The following ITGA6 variants were observed in gnomAD, a reference collection of about 807,000 sequenced individuals.
ITGA6 encodes integrin alpha-6.
Under a neutral mutation model 133.6 loss-of-function variants are expected in ITGA6, and 63 were observed. The observed-to-expected ratio is 0.47, with a 90% CI of 0.38 to 0.58. The LOEUF (loss-of-function observed/expected upper bound fraction) is 0.58, where lower values mean the gene tolerates loss of function less well. Ranked by LOEUF, ITGA6 falls within the 20% of genes least tolerant of loss-of-function variation. ITGA6 has a pLI of 0.00. For missense variants in ITGA6, 1,068 were observed against 1,309.4 expected, an observed-to-expected ratio of 0.82 and a Z score of 2.85; for synonymous variants, 434 against 482.0, an observed-to-expected ratio of 0.90 and a Z score of 1.30.
intron 1 of ITGA6, among the ~76,000 whole-genome samples, chr2:172,435,438 A>G (rs939409967): frequency 2.0e-5 from 3 of 151,974 alleles, no homozygotes; most frequent in Non-Finnish European, 4.4e-5. Flanking sequence ...CTTTAGAACA[A>G]AGGTATCGAA....
intron 1 of ITGA6, among the ~76,000 whole-genome samples, chr2:172,435,613 T>C (rs542802248): frequency 1.4e-5 from 2 of 141,012 alleles, no homozygotes; most frequent in South Asian, 4.6e-4. Context: ...AAGAGTTTTG[T>C]TTCTTTTTTT....
chr2:172,485,942 C>T (rs1004245819), intron 13 of ITGA6, among the ~76,000 whole-genome samples: 2 of 152,074 alleles, frequency 1.3e-5, no homozygotes, highest in African/African-American at 2.4e-5. Flanking sequence ...TTCGGGAGGC[C>T]GAGGCGGGCA....
Position 172,487,385 on chromosome 2 carries a change from G to T in ITGA6, c.2092G>T (p.Ala698Ser). 6.2e-7 allele frequency: 1 copy of T among 1,614,144 alleles called. No homozygotes were observed. Among genetic ancestry groups the T allele is most frequent in the Non-Finnish European group, 8.5e-7 (1 of 1,179,994 alleles). Residue 698 changes from alanine to serine, a missense_variant, in exon 15 of 26, where the codon GCT becomes TCT. This residue lies in a region of ITGA6 where 609 missense variants were observed against 707.2 expected (regional missense o/e 0.86). Coordinates refer to ENST00000684293, the MANE Select transcript of ITGA6 (RefSeq NM_000210.4). ...PTKDGDDAHEAKLIATFPDTL... is the reference protein window; with the variant it reads ...PTKDGDDAHESKLIATFPDTL... ...AAAAGATGGCGATGACGCCCATGAG[G>T]CTAAACTGATTGCAACGTTTCCAGA...
In ITGA6 at chr2:172,469,445, C is replaced by CCATGATTTAGTAT. The variant is rs3215376; in HGVS notation, c.643+65_643+66insCATGATTTAGTAT. On this transcript the variant is annotated intron_variant, in intron 4 of 25. Transcript: ENST00000684293. ...CTAATTTCTGTAATATGATTTAGTACATTTTGAGCTAAAATGTGTTAGAAG... is the reference window on the plus strand; with the variant it reads ...CTAATTTCTGTAATATGATTTAGTACCATGATTTAGTATATTTTGAGCTAAAATGTGTTAGAAG... 7 of 1,466,932 alleles carry CCATGATTTAGTAT rather than the reference C, an allele frequency of 4.8e-6. No homozygotes were observed. The South Asian group carries it at 7.0e-5, about 15-fold the overall frequency. 90.9% of individuals were successfully genotyped at this position (1,466,932 alleles called of 1,614,324 possible).
chr2:172,504,503 A>G lies in ITGA6; in HGVS notation c.*435A>G, dbSNP rs17664. The stretch of plus-strand genomic sequence containing the variant: ...TAATTTAACTTTCTGGGTTGCCTTT[A>G]TTTTTGGCGTGGCTGACTTACATCA... On this transcript the variant is annotated 3_prime_UTR_variant, in exon 26 of 26. Transcript: ENST00000684293. The G allele has an allele frequency of 0.49, 160,830 of 328,542 alleles. 42,503 individuals carry two copies. The highest frequency in any genetic ancestry group is 0.87 in the East Asian group (14,330 of 16,386). 20.4% of individuals were successfully genotyped at this position (328,542 alleles called of 1,614,324 possible).
At chr2:172,487,655 A>ATT (rs746380411) in intron 16 of ITGA6, 25 bp downstream of exon 16, 6 of 1,607,554 alleles carry the variant, frequency 3.7e-6, no homozygotes, top group Non-Finnish European at 5.1e-6. Flanking sequence ...CATATACTGT[A>ATT]TTTTACTGTT....
intron 1 of ITGA6, among the ~76,000 whole-genome samples, chr2:172,454,192 T>G (rs909575226): frequency 6.6e-6 from 1 of 151,820 alleles, no homozygotes; most frequent in Non-Finnish European, 1.5e-5. Flanking sequence ...CAAGTGATTC[T>G]CCTGCCTCAG....
intron 16 of ITGA6, 41 bp downstream of exon 16, chr2:172,487,671 T>C (rs200821626): frequency 6.3e-7 from 1 of 1,597,992 alleles, no homozygotes; most frequent in Non-Finnish European, 8.6e-7. Context: ...CTGTTTTAAA[T>C]ACCATTGCAG....
intron 1 of ITGA6, among the ~76,000 whole-genome samples, chr2:172,449,895 T>C (rs1574335428): frequency 8.6e-6 from 1 of 116,228 alleles, no homozygotes; most frequent in African/African-American, 3.5e-5. Context: ...CACTCCAGCC[T>C]GGGCAATGAG....
Position 172,479,963 on chromosome 2 carries a change from A to G in ITGA6, c.1488-27A>G, listed in dbSNP as rs781496603. 39 of 1,504,338 alleles carry G rather than the reference A, an allele frequency of 2.6e-5. No individual in the cohort carries two copies. The East Asian group carries it at 8.8e-4, about 34-fold the overall frequency. 93.2% of individuals were successfully genotyped at this position (1,504,338 alleles called of 1,614,324 possible). A position where few individuals can be genotyped will look rare whatever the true frequency, so the allele number is the denominator to read the frequency against. The stretch of plus-strand genomic sequence containing the variant: ...TTTCCACTGCAATAATGGATCTTTT[A>G]AGAAATATGTGTTTGATTTTATTCA... On this transcript the variant is annotated intron_variant, in intron 10 of 25. Transcript: ENST00000684293.
At position 172,479,533 on chromosome 2, in the gene ITGA6, G is replaced by A. The variant is rs7588603; in HGVS notation, c.1389-108G>A. ...AAACGTCACGTGTATTTTTTTTCCT[G>A]TGTTTTTAAGCTGTGCTGGGCAGCT... On this transcript the variant is annotated intron_variant, in intron 9 of 25. Coordinates refer to ENST00000684293, the MANE Select transcript of ITGA6 (RefSeq NM_000210.4). 6.4e-3 allele frequency: 5,669 copies of A among 882,434 alleles called. 205 individuals carry two copies. In the African/African-American group the frequency reaches 0.081, roughly 13 times the overall value. The allele number at this position is 882,434 out of a possible 1,614,324, so 54.7% of individuals were successfully genotyped here. A position where few individuals can be genotyped will look rare whatever the true frequency, so the allele number is the denominator to read the frequency against.
chr2:172,477,037 T>G (rs949616544), intron 9 of ITGA6, among the ~76,000 whole-genome samples: 2 of 152,248 alleles, frequency 1.3e-5, no homozygotes, highest in Non-Finnish European at 2.9e-5. Context: ...TGAGGCATCT[T>G]CTGACAGGTT....
Position 172,465,345 on chromosome 2 carries a change from G to C in ITGA6, c.183-194G>C, listed in dbSNP as rs535488052. 2.3e-3 allele frequency: 1,574 copies of C among 675,356 alleles called. 41 individuals are homozygous for C. In the South Asian group the frequency reaches 0.026, roughly 11 times the overall value. 41.8% of individuals were successfully genotyped at this position (675,356 alleles called of 1,614,324 possible). Reference sequence around the variant, plus strand: ...TGGTATCCCCTCTTTGGCTTCCCCTGTTTAGTTGTGTTTGTGCGTTTTGCA... The same window carrying C: ...TGGTATCCCCTCTTTGGCTTCCCCTCTTTAGTTGTGTTTGTGCGTTTTGCA... On this transcript the variant is annotated intron_variant, in intron 1 of 25. Transcript: ENST00000684293.
intron 25 of ITGA6, chr2:172,503,481 T>C (rs1392163311): frequency 6.6e-6 from 1 of 152,178 alleles, no homozygotes; most frequent in Non-Finnish European, 1.5e-5. Context: ...ACAGTTACTA[T>C]GTGATTAATG....
chr2:172,471,823 C>T (rs1574372997), intron 5 of ITGA6, among the ~76,000 whole-genome samples: 1 of 136,320 alleles, frequency 7.3e-6, no homozygotes, highest in African/African-American at 2.8e-5. Context: ...TATGAGTTGA[C>T]AAAAAGAATA....
At chr2:172,480,901 G>GGCCGTCGTAAGCTCTCCTCTGGCAT (rs1686414561) in intron 11 of ITGA6, 1 of 152,126 alleles carries the variant, frequency 6.6e-6, no homozygotes, top group Non-Finnish European at 1.5e-5. Flanking sequence ...TAACAATAGT[G>GGCCGTCGTAAGCTCTCCTCTGGCAT]GCCGTCGTAA....
At chr2:172,435,767 G>A (rs1258812931) in intron 1 of ITGA6, among the ~76,000 whole-genome samples, 3 of 151,726 alleles carry the variant, frequency 2.0e-5, no homozygotes, top group African/African-American at 2.4e-5. Flanking sequence ...AGCTGGGACT[G>A]CAAGTGTGCA....
rs139863050 is a variant in ITGA6, at chr2:172,457,854, C to T, written c.183-7685C>T. 1.8e-3 allele frequency among the ~76,000 whole-genome samples: 273 copies of T among 152,250 alleles called. 1 individual carries two copies. The highest frequency in any genetic ancestry group is 6.2e-3 in the African/African-American group (258 of 41,542). On this transcript the variant is annotated intron_variant, in intron 1 of 25. Coordinates refer to ENST00000684293, the MANE Select transcript of ITGA6 (RefSeq NM_000210.4). ...CAAACTAGGTATATGGTTTTGCTTC[C>T]TGGCTCCTCAAGGCTCCCTAATAGT...
chr2:172,487,333 C>G lies in ITGA6; in HGVS notation c.2040C>G (p.Asn680Lys). 6.2e-7 allele frequency: 1 copy of G among 1,614,016 alleles called. No individual in the cohort carries two copies. Among genetic ancestry groups the G allele is most frequent in the Non-Finnish European group, 8.5e-7 (1 of 1,179,838 alleles). The change falls in exon 15 of 26, where the codon AAC becomes AAG. Residue 680 changes from asparagine (N) to lysine (K), a missense_variant. Transcript: ENST00000684293. Reference sequence around the variant, plus strand: ...TTGCTTTAGAAATAACAGTGACAAACAGCCCTTCCAACCCAAGGAATCCCA... The same window carrying G: ...TTGCTTTAGAAATAACAGTGACAAAGAGCCCTTCCAACCCAAGGAATCCCA... ...KDIALEITVTNSPSNPRNPTK... is the reference protein window; with the variant it reads ...KDIALEITVTKSPSNPRNPTK...
Sources: allele counts gnomAD v4.1 joint callset (sites outside exome capture counted in the v4.1 genomes callset), GRCh38; gene constraint gnomAD v4.1.1; regional missense constraint gnomAD v4.1.1; transcripts MANE v1.5; gene names NCBI Gene and HGNC (gene_info 2026-07-23, HGNC 2026-07-21).